CFAP54: variants seen among roughly 807,000 people sequenced by gnomAD.
CFAP54 encodes the protein cilia- and flagella-associated protein 54.
CFAP54 carries 290 observed loss-of-function variants against 370.4 expected under a neutral mutation model. The observed-to-expected ratio is 0.78, with a 90% CI of 0.71 to 0.86. The LOEUF is 0.86. Among genes scored for constraint, CFAP54 ranks in the 40% least tolerant of loss-of-function variants. The probability of loss-of-function intolerance (pLI) is 0.00; values close to 1 mark genes in which losing one functional copy is unlikely to be tolerated. For missense variants in CFAP54, 3,399 were observed against 3,528.7 expected (o/e 0.96, Z 0.93); for synonymous variants, 1,206 against 1,236.5 (o/e 0.98, Z 0.52).
chr12:96,630,869 A>G (rs1732392542), intron 32 of CFAP54, among the ~76,000 whole-genome samples: 1 of 152,060 alleles, frequency 6.6e-6, no homozygotes, highest in Non-Finnish European at 1.5e-5. Context: ...AAATGAACTA[A>G]TATAGAATAT....
chr12:96,639,415 T>C (rs1342883365), intron 32 of CFAP54, among the ~76,000 whole-genome samples: 1 of 152,102 alleles, frequency 6.6e-6, no homozygotes, highest in Non-Finnish European at 1.5e-5. Flanking sequence ...AATAACAGGC[T>C]CTGAAATTGA....
chr12:96,539,063 G>GTTTTTTTT (rs1565889464), intron 13 of CFAP54, among the ~76,000 whole-genome samples: 11 of 102,372 alleles, frequency 1.1e-4, no homozygotes, highest in African/African-American at 4.0e-4. Context: ...GGCCTTTTCA[G>GTTTTTTTT]GTTTTTTTTT....
At chr12:96,717,602 C>T (rs1458858986) in intron 48 of CFAP54, among the ~76,000 whole-genome samples, 2 of 152,208 alleles carry the variant, frequency 1.3e-5, no homozygotes, top group Non-Finnish European at 2.9e-5. Context: ...TGAATTCTCT[C>T]ACTTCTCCCC....
intron 66 of CFAP54, among the ~76,000 whole-genome samples, chr12:96,832,664 A>G (rs1461715859): frequency 6.6e-6 from 1 of 152,214 alleles, no homozygotes; most frequent in Non-Finnish European, 1.5e-5. Context: ...AACTAGTTTT[A>G]AGAATAATTT....
At chr12:96,777,208 A>G (rs1390012237) in intron 60 of CFAP54, among the ~76,000 whole-genome samples, 1 of 152,178 alleles carries the variant, frequency 6.6e-6, no homozygotes, top group Admixed American at 6.5e-5. Context: ...CTTTTCCTGG[A>G]GACAGCCATT....
chr12:96,710,378 A>T (rs1957597422), intron 48 of CFAP54, among the ~76,000 whole-genome samples: 1 of 152,220 alleles, frequency 6.6e-6, no homozygotes, highest in South Asian at 2.1e-4. Context: ...ATGGATGGGT[A>T]AAGCAGAGTG....
chr12:96,517,508 C>T (rs529167832), intron 5 of CFAP54, among the ~76,000 whole-genome samples: 7 of 152,276 alleles, frequency 4.6e-5, no homozygotes, highest in African/African-American at 1.4e-4. Flanking sequence ...TCATATACCA[C>T]CCAACCCAAA....
chr12:96,514,410 G>T (rs1181935838), intron 5 of CFAP54, among the ~76,000 whole-genome samples: 9 of 152,222 alleles, frequency 5.9e-5, no homozygotes, highest in Non-Finnish European at 8.8e-5. Context: ...CTCTGTGCCA[G>T]CTTTCTGAGT....
chr12:96,548,804 A>T (rs1955665922), intron 15 of CFAP54, among the ~76,000 whole-genome samples: 1 of 152,016 alleles, frequency 6.6e-6, no homozygotes, highest in Non-Finnish European at 1.5e-5. Flanking sequence ...CTCACTCCAG[A>T]CATATGCAAT....
intron 39 of CFAP54, among the ~76,000 whole-genome samples, chr12:96,664,733 A>ATC (rs1565934324): frequency 2.8e-4 from 7 of 24,890 alleles, no homozygotes; most frequent in East Asian, 1.1e-3. Context: ...ATCTATATAT[A>ATC]TATATCTATA....
At chr12:96,644,138 A>G in intron 32 of CFAP54, 40 bp from the exon 33 acceptor site, 1 of 1,298,368 alleles carries the variant, frequency 7.7e-7, no homozygotes, top group Non-Finnish European at 1.1e-6. Context: ...AATATCTGAA[A>G]GTTCTTGTGT....
intron 63 of CFAP54, among the ~76,000 whole-genome samples, chr12:96,800,711 C>T (rs1264865332): frequency 6.6e-6 from 1 of 152,144 alleles, no homozygotes; most frequent in African/African-American, 2.4e-5. Flanking sequence ...GGCTGAAGCT[C>T]GTGAAACCCA....
intron 26 of CFAP54, among the ~76,000 whole-genome samples, chr12:96,616,175 A>G (rs1223281207): frequency 6.6e-6 from 1 of 152,248 alleles, no homozygotes; most frequent in Non-Finnish European, 1.5e-5. Flanking sequence ...ATGGAATACT[A>G]TGTAGCCATA....
intron 49 of CFAP54, 115 bp downstream of exon 49, chr12:96,718,637 C>T (rs2136606087): frequency 1.6e-6 from 1 of 621,042 alleles, no homozygotes; most frequent in East Asian, 3.0e-5. Context: ...GTTACCTTTT[C>T]TTGTGTAAGA....
At chr12:96,591,388 T>C (rs1956122674) in intron 23 of CFAP54, among the ~76,000 whole-genome samples, 1 of 151,834 alleles carries the variant, frequency 6.6e-6, no homozygotes, top group Non-Finnish European at 1.5e-5. Flanking sequence ...CAAAGACCAC[T>C]CATGTGAAGT....
chr12:96,671,614 G>T (rs1227378936), intron 39 of CFAP54, among the ~76,000 whole-genome samples: 1 of 152,142 alleles, frequency 6.6e-6, no homozygotes, highest in African/African-American at 2.4e-5. Context: ...GTGGTGAGCT[G>T]TACCTATAGA....
intron 3 of CFAP54, among the ~76,000 whole-genome samples, 156 bp from the exon 4 acceptor site, chr12:96,506,771 GA>G (rs1420385438): frequency 1.3e-5 from 2 of 151,980 alleles, no homozygotes; most frequent in Non-Finnish European, 2.9e-5. Context: ...ATTTTTAGTA[GA>G]GACAGGATTT....
At chr12:96,678,782 C>T (rs1957239168) in intron 39 of CFAP54, among the ~76,000 whole-genome samples, 1 of 152,110 alleles carries the variant, frequency 6.6e-6, no homozygotes, top group African/African-American at 2.4e-5. Flanking sequence ...TGGAGTGTCC[C>T]ATCCCTTCAG....
intron 62 of CFAP54, among the ~76,000 whole-genome samples, chr12:96,788,896 A>C (rs1312227320): frequency 6.6e-6 from 1 of 152,198 alleles, no homozygotes; most frequent in African/African-American, 2.4e-5. Context: ...AGATACTGGG[A>C]TATTGTGGCA....
Sources: gnomAD v4.1 joint callset for allele counts (sites outside exome capture counted in the v4.1 genomes callset) on GRCh38, gnomAD v4.1.1 for gene constraint, MANE v1.5 for transcripts, NCBI Gene and HGNC (gene_info 2026-07-23, HGNC 2026-07-21) for gene names.